Variants in RBPMS observed in about 807,000 individuals in gnomAD.
The protein encoded by RBPMS is RNA binding protein, mRNA processing factor, also known as RNA-binding protein with multiple splicing.
In RBPMS, 7 loss-of-function variants were observed where a neutral mutation model predicts 26.8. That is an observed-to-expected ratio of 0.26 (90% CI 0.15 to 0.49). The LOEUF (loss-of-function observed/expected upper bound fraction) is 0.49, where lower values mean the gene tolerates loss of function less well. RBPMS is among the 20% of genes least tolerant of loss of function. The probability of loss-of-function intolerance (pLI) is 0.98; values close to 1 mark genes in which losing one functional copy is unlikely to be tolerated. For missense variants in RBPMS, 186 were observed against 250.0 expected (o/e 0.74, Z 1.73); for synonymous variants, 96 against 93.3 (o/e 1.03, Z -0.17).
intron 8 of RBPMS, among the ~76,000 whole-genome samples, chr8:30,569,031 T>C (rs1225863346): frequency 1.3e-5 from 2 of 151,758 alleles, no homozygotes; most frequent in Non-Finnish European, 2.9e-5. Flanking sequence ...GGCTGGGGCA[T>C]TGGGAAGCTG....
intron 8 of RBPMS, among the ~76,000 whole-genome samples, chr8:30,566,923 T>C (rs35631438): frequency 0.35 from 52,804 of 152,014 alleles, 9,937 homozygotes; most frequent in South Asian, 0.55. Context: ...TTTAGCTTAG[T>C]AGTTCATGGT....
At chr8:30,391,051 A>G (rs1807733922) in intron 1 of RBPMS, among the ~76,000 whole-genome samples, 1 of 151,800 alleles carries the variant, frequency 6.6e-6, no homozygotes, top group African/African-American at 2.4e-5. Flanking sequence ...GTCATTAGGA[A>G]CCTCCATTTG....
chr8:30,489,069 C>T (rs1253557147), intron 4 of RBPMS, among the ~76,000 whole-genome samples: 2 of 152,092 alleles, frequency 1.3e-5, no homozygotes, highest in Non-Finnish European at 2.9e-5. Context: ...GTTGTTAAGA[C>T]AGGGTCTTGT....
intron 6 of RBPMS, chr8:30,544,984 A>G (rs1271185459): frequency 6.9e-6 from 10 of 1,452,120 alleles, no homozygotes; most frequent in Non-Finnish European, 9.0e-6. Context: ...CTGCAGAGGA[A>G]GGTGTGTGCT....
intron 5 of RBPMS, chr8:30,537,742 A>G (rs1163108615): frequency 4.6e-6 from 2 of 430,228 alleles, no homozygotes; most frequent in Non-Finnish European, 9.4e-6. Flanking sequence ...GGCTCCTGCT[A>G]ATGTCTCCCA....
At chr8:30,526,562 G>A (rs1823607817) in intron 5 of RBPMS, among the ~76,000 whole-genome samples, 1 of 152,152 alleles carries the variant, frequency 6.6e-6, no homozygotes, top group Non-Finnish European at 1.5e-5. Flanking sequence ...GAAGCCCTCA[G>A]GTTGCTTCTT....
intron 2 of RBPMS, among the ~76,000 whole-genome samples, chr8:30,477,457 T>TTC (rs1817824005): frequency 6.6e-6 from 1 of 152,202 alleles, no homozygotes; most frequent in African/African-American, 2.4e-5. Flanking sequence ...CCTTGCCTAT[T>TTC]TCTGTAAAAC....
intron 6 of RBPMS, among the ~76,000 whole-genome samples, chr8:30,549,081 GT>G (rs1473797833): frequency 9.8e-5 from 15 of 152,330 alleles, no homozygotes; most frequent in African/African-American, 3.4e-4. Context: ...GACTCTGATG[GT>G]TTTGGCTTCC....
At chr8:30,416,551 T>A (rs1411173426) in intron 1 of RBPMS, among the ~76,000 whole-genome samples, 6 of 152,022 alleles carry the variant, frequency 3.9e-5, no homozygotes, top group Non-Finnish European at 7.4e-5. Flanking sequence ...GGTACGACCT[T>A]GGCCCACTGC....
chr8:30,449,388 T>C (rs1814272329), intron 1 of RBPMS, among the ~76,000 whole-genome samples: 1 of 149,806 alleles, frequency 6.7e-6, no homozygotes, highest in African/African-American at 2.5e-5. Flanking sequence ...TTTTTTTTTT[T>C]TTGAGACAGA....
intron 5 of RBPMS, among the ~76,000 whole-genome samples, chr8:30,516,104 G>A (rs919605409): frequency 3.9e-5 from 6 of 152,170 alleles, no homozygotes; most frequent in African/African-American, 1.4e-4. Context: ...TTTTGGCCAG[G>A]CACAGTGGCT....
intron 1 of RBPMS, among the ~76,000 whole-genome samples, chr8:30,392,348 C>T (rs1807881586): frequency 6.6e-6 from 1 of 151,976 alleles, no homozygotes; most frequent in Non-Finnish European, 1.5e-5. Context: ...TGAATGAACA[C>T]ACAGAGGCTT....
chr8:30,425,765 G>A (rs565750170), intron 1 of RBPMS, among the ~76,000 whole-genome samples: 2 of 152,094 alleles, frequency 1.3e-5, no homozygotes, highest in Non-Finnish European at 2.9e-5. Flanking sequence ...CACTTCCTAC[G>A]TCCCAGATAT....
chr8:30,489,364 G>A (rs1819129709), intron 4 of RBPMS, among the ~76,000 whole-genome samples: 1 of 152,198 alleles, frequency 6.6e-6, no homozygotes, highest in African/African-American at 2.4e-5. Context: ...TATTTTTAAA[G>A]CTACTGGCAT....
intron 1 of RBPMS, chr8:30,446,983 CCA>C (rs1813940248): frequency 6.6e-6 from 1 of 152,058 alleles, no homozygotes; most frequent in Admixed American, 6.6e-5. Context: ...GCTCTACTTC[CCA>C]CAGTCATCTT....
At chr8:30,540,091 G>A (rs1825226206) in intron 5 of RBPMS, among the ~76,000 whole-genome samples, 1 of 152,174 alleles carries the variant, frequency 6.6e-6, no homozygotes, top group Non-Finnish European at 1.5e-5. Flanking sequence ...GCGAGACCAG[G>A]CCCCTCCCTG....
intron 6 of RBPMS, among the ~76,000 whole-genome samples, chr8:30,555,308 C>T (rs1346217501): frequency 6.6e-6 from 1 of 152,128 alleles, no homozygotes; most frequent in Non-Finnish European, 1.5e-5. Context: ...AACAGTGTGG[C>T]CCTGGGTAGT....
rs1377703358 is a variant in RBPMS, at chr8:30,570,701, T to C, written c.*176T>C. ...TTTGTCACAGCCTCTATCACACATC[T>C]GTTTTTCTCGAAGAAAAAAATATAA... On this transcript the variant is annotated 3_prime_UTR_variant, in exon 9 of 9. Transcript: ENST00000397323. 6.5e-6 allele frequency: 1 copy of C among 152,672 alleles called. No individual in the cohort carries two copies. Among genetic ancestry groups the C allele is most frequent in the Non-Finnish European group, 1.5e-5 (1 of 68,042 alleles). The allele number at this position is 152,672 out of a possible 1,614,324, so 9.5% of individuals were successfully genotyped here.
At chr8:30,471,219 T>C (rs1458960451) in intron 1 of RBPMS, among the ~76,000 whole-genome samples, 2 of 152,200 alleles carry the variant, frequency 1.3e-5, no homozygotes, top group Non-Finnish European at 2.9e-5. Context: ...TTGGCTACTT[T>C]ATAGAACAAA....
Sources: gnomAD v4.1 joint callset for allele counts (sites outside exome capture counted in the v4.1 genomes callset) on GRCh38, gnomAD v4.1.1 for gene constraint, MANE v1.5 for transcripts, NCBI Gene and HGNC (gene_info 2026-07-23, HGNC 2026-07-21) for gene names.